The following TMEM50A variants were observed in gnomAD, a reference collection of about 807,000 sequenced individuals.
TMEM50A encodes the protein cervical cancer oncogene 9.
TMEM50A carries 8 observed loss-of-function variants against 23.9 expected under a neutral mutation model. The ratio of observed to expected loss-of-function variants is 0.33; its 90% CI spans 0.20 to 0.60. The LOEUF (loss-of-function observed/expected upper bound fraction) is 0.60, where lower values mean the gene tolerates loss of function less well. Ranked by LOEUF, TMEM50A falls within the 20% of genes least tolerant of loss-of-function variation. The pLI, the probability that TMEM50A is intolerant of heterozygous loss-of-function variation, is 0.81. For synonymous variants in TMEM50A, 55 were observed against 60.4 expected (o/e 0.91, Z 0.41); for missense variants, 178 against 192.7 (o/e 0.92, Z 0.45).
chr1:25,352,787 CT>C (rs1036170313), intron 4 of TMEM50A, 94 bp from the exon 5 acceptor site: 10,853 of 890,470 alleles, frequency 0.012, no homozygotes, highest in South Asian at 0.018. Flanking sequence ...GGCAGTTGCA[CT>C]TTTTTTTTTT....
At chr1:25,356,549 T>C (rs1033961248) in intron 5 of TMEM50A, among the ~76,000 whole-genome samples, 1 of 152,238 alleles carries the variant, frequency 6.6e-6, no homozygotes, top group Admixed American at 6.5e-5. Flanking sequence ...TGCAGTATCC[T>C]CAGTATTAAA....
At chr1:25,340,762 T>G (rs1645159068) in intron 2 of TMEM50A, among the ~76,000 whole-genome samples, 183 bp downstream of exon 2, 1 of 152,256 alleles carries the variant, frequency 6.6e-6, no homozygotes, top group Admixed American at 6.5e-5. Flanking sequence ...GTTTAAAATT[T>G]GATTAACAAG....
chr1:25,349,409 C>T (rs987207323), intron 3 of TMEM50A, among the ~76,000 whole-genome samples: 43 of 152,080 alleles, frequency 2.8e-4, no homozygotes, highest in Admixed American at 1.1e-3. Flanking sequence ...GCAAGGAAAA[C>T]GAGCTGAGAA....
At chr1:25,354,865 A>G (rs1243701835) in intron 5 of TMEM50A, among the ~76,000 whole-genome samples, 1 of 151,914 alleles carries the variant, frequency 6.6e-6, no homozygotes, top group Non-Finnish European at 1.5e-5. Context: ...TCCGTCTCCC[A>G]GGTTCAAGCA....
At chr1:25,340,695 C>A in intron 2 of TMEM50A, 116 bp downstream of exon 2, 1 of 693,430 alleles carries the variant, frequency 1.4e-6, no homozygotes. Flanking sequence ...ACCACTTTGA[C>A]CATGTTGATA....
chr1:25,353,437 C>G (rs1402391809), intron 5 of TMEM50A, among the ~76,000 whole-genome samples: 4 of 152,166 alleles, frequency 2.6e-5, no homozygotes, highest in African/African-American at 9.7e-5. Flanking sequence ...CACACACAAC[C>G]ACACCCAGCT....
intron 6 of TMEM50A, among the ~76,000 whole-genome samples, chr1:25,359,946 C>T (rs1163795280): frequency 6.6e-6 from 1 of 152,182 alleles, no homozygotes; most frequent in African/African-American, 2.4e-5. Flanking sequence ...CAACCACCCC[C>T]ACACTTACCA....
In TMEM50A at chr1:25,362,238, A is replaced by G. The variant is rs934042124; in HGVS notation, c.*1533A>G. ...TTATTAAGCATGAGAAAGAATCTTA[A>G]GAATTGTCAATAAAATTAACCCAAA... On this transcript the variant is annotated 3_prime_UTR_variant, in exon 7 of 7. Transcript: ENST00000374358. 77 of 602,552 alleles carry G rather than the reference A, an allele frequency of 1.3e-4. No homozygotes were observed. The highest frequency in any genetic ancestry group is 4.6e-4 in the Middle Eastern group (1 of 2,166). The allele number at this position is 602,552 out of a possible 1,614,324, so 37.3% of individuals were successfully genotyped here.
chr1:25,352,362 G>T (rs930665499), intron 4 of TMEM50A, among the ~76,000 whole-genome samples: 24 of 151,976 alleles, frequency 1.6e-4, no homozygotes, highest in Non-Finnish European at 3.2e-4. Flanking sequence ...GGGCGTGGTG[G>T]CGGGTGCCTG....
Position 25,345,120 on chromosome 1 carries a change from CTTTTTTTT to C in TMEM50A, c.206+2060_206+2067del, listed in dbSNP as rs775789415. ...ACTGTTTTTCCAGTTACCACATCTT[CTTTTTTTT>C]TTTTTTTTTTTTGGATACAAGAAGT... On this transcript the variant is annotated intron_variant, in intron 3 of 6. Coordinates refer to ENST00000374358, the MANE Select transcript of TMEM50A (RefSeq NM_014313.4). Among the ~76,000 whole-genome samples, 490 of 117,468 alleles carry C rather than the reference CTTTTTTTT, an allele frequency of 4.2e-3. 3 individuals are homozygous for C. The highest frequency in any genetic ancestry group is 0.013 in the African/African-American group (415 of 31,192). The allele number at this position is 117,468 out of a possible 152,430, so 77.1% of individuals were successfully genotyped here. A position where few individuals can be genotyped will look rare whatever the true frequency, so the allele number is the denominator to read the frequency against.
chr1:25,356,588 A>G (rs1645335436), intron 5 of TMEM50A, among the ~76,000 whole-genome samples: 1 of 152,188 alleles, frequency 6.6e-6, no homozygotes. Context: ...TGCCCCCAGT[A>G]AATATTTGTT....
chr1:25,339,234 C>T (rs1645140245), intron 1 of TMEM50A, among the ~76,000 whole-genome samples: 1 of 152,170 alleles, frequency 6.6e-6, no homozygotes, highest in South Asian at 2.1e-4. Context: ...CAGGCTTTTT[C>T]ATACTCTGAA....
intron 3 of TMEM50A, among the ~76,000 whole-genome samples, chr1:25,343,547 G>A (rs1335743313): frequency 6.6e-6 from 1 of 152,130 alleles, no homozygotes; most frequent in East Asian, 1.9e-4. Context: ...GATGTCAATA[G>A]GAGGGATAGA....
chr1:25,341,459 C>T (rs918939520), intron 2 of TMEM50A, among the ~76,000 whole-genome samples: 1 of 152,048 alleles, frequency 6.6e-6, no homozygotes, highest in Non-Finnish European at 1.5e-5. Context: ...GGGGTTTCGC[C>T]GTGGTCTCGA....
At chr1:25,343,481 C>G (rs879351599) in intron 3 of TMEM50A, among the ~76,000 whole-genome samples, 2 of 151,318 alleles carry the variant, frequency 1.3e-5, no homozygotes, top group Non-Finnish European at 2.9e-5. Flanking sequence ...AAAATAAGTG[C>G]AAAGGAGAAA....
At chr1:25,352,841 C>G in intron 4 of TMEM50A, 41 bp from the exon 5 acceptor site, 1 of 1,573,416 alleles carries the variant, frequency 6.4e-7, no homozygotes. Flanking sequence ...ATTGTACTGC[C>G]CTATAAGAAA....
At chr1:25,345,120 C>CTTT (rs775789415) in intron 3 of TMEM50A, among the ~76,000 whole-genome samples, 41 of 117,426 alleles carry the variant, frequency 3.5e-4, no homozygotes, top group Non-Finnish European at 4.3e-4. Flanking sequence ...ACCACATCTT[C>CTTT]TTTTTTTTTT....
intron 3 of TMEM50A, among the ~76,000 whole-genome samples, chr1:25,344,519 A>T (rs916411021): frequency 6.6e-6 from 1 of 151,812 alleles, no homozygotes; most frequent in African/African-American, 2.4e-5. Flanking sequence ...TGACTTTGTT[A>T]TTTAGTATTG....
At position 25,362,251 on chromosome 1, in the gene TMEM50A, A is replaced by C. The variant is rs569051676; in HGVS notation, c.*1546A>C. ...GAAAGAATCTTAAGAATTGTCAATA[A>C]AATTAACCCAAAACTTTAATAATGT... On this transcript the variant is annotated 3_prime_UTR_variant, in exon 7 of 7. Transcript: ENST00000374358. The C allele has an allele frequency of 7.6e-6, 5 of 660,880 alleles. No homozygotes were observed. The highest frequency in any genetic ancestry group is 4.3e-4 in the Middle Eastern group (1 of 2,328). 40.9% of individuals were successfully genotyped at this position (660,880 alleles called of 1,614,324 possible).
Sources: allele counts gnomAD v4.1 joint callset (sites outside exome capture counted in the v4.1 genomes callset), GRCh38; gene constraint gnomAD v4.1.1; transcripts MANE v1.5; gene names NCBI Gene and HGNC (gene_info 2026-07-23, HGNC 2026-07-21).